GRB14: variants seen among roughly 807,000 people sequenced by gnomAD.
The protein encoded by GRB14 is growth factor receptor-bound protein 14.
In GRB14, 38 loss-of-function variants were observed where a neutral mutation model predicts 69.1. That is an observed-to-expected ratio of 0.55 (90% CI 0.42 to 0.72). GRB14 has a LOEUF of 0.72. Ranked by LOEUF, GRB14 falls within the 30% of genes least tolerant of loss-of-function variation. GRB14 has a pLI of 0.00. For missense variants in GRB14, 666 were observed against 666.1 expected (o/e 1.00, Z 0.00); for synonymous variants, 247 against 241.3 (o/e 1.02, Z -0.22).
At chr2:164,558,601 T>C (rs1688741873) in intron 2 of GRB14, among the ~76,000 whole-genome samples, 1 of 152,332 alleles carries the variant, frequency 6.6e-6, no homozygotes, top group Non-Finnish European at 1.5e-5. Context: ...TAATTCATCT[T>C]TGAAACAAGA....
chr2:164,522,024 G>GA lies in GRB14; in HGVS notation c.771dup (p.Leu258SerfsTer11), dbSNP rs772277401. 2.5e-6 allele frequency: 4 copies of GA among 1,604,414 alleles called. No individual in the cohort carries two copies. The highest frequency in any genetic ancestry group is 3.4e-6 in the Non-Finnish European group (4 of 1,173,586). On this transcript the variant is annotated frameshift_variant, in exon 6 of 14. Transcript: ENST00000263915. LOFTEE classifies it high-confidence loss of function. ...GAAAAATATAAACCAGATCTTCTTA[G>GA]AAAAAAGTAAATTTTTTTCCAAGAC...
rs1358569116 is a variant in GRB14, at chr2:164,492,476, T to C, written c.*560A>G. On this transcript the variant is annotated 3_prime_UTR_variant, in exon 14 of 14. Coordinates refer to ENST00000263915, the MANE Select transcript of GRB14 (RefSeq NM_004490.3). Reference sequence around the variant, plus strand: ...AAATTACCTGGAAAAAATCAACATATTTCAAAATGGTTTAAAGCTACTATC... The same window carrying C: ...AAATTACCTGGAAAAAATCAACATACTTCAAAATGGTTTAAAGCTACTATC... Among the ~76,000 whole-genome samples, 1 of 151,968 alleles carries C rather than the reference T, an allele frequency of 6.6e-6. No homozygotes were observed. Among genetic ancestry groups the C allele is most frequent in the Non-Finnish European group, 1.5e-5 (1 of 67,924 alleles).
Position 164,502,282 on chromosome 2 carries a change from G to A in GRB14, c.1077C>T (p.Gly359=), listed in dbSNP as rs61748244. ...NYMHPYQGRS[G]CSSQSISPMR... ...TAGGTGATATGCTCTGTGAACTGCAGCCACTTCTACCTTGATATGGATGCA... is the reference window on the plus strand; with the variant it reads ...TAGGTGATATGCTCTGTGAACTGCAACCACTTCTACCTTGATATGGATGCA... The change falls in exon 9 of 14, where the codon GGC becomes GGT. Residue 359 remains glycine, a synonymous_variant. Coordinates refer to ENST00000263915, the MANE Select transcript of GRB14 (RefSeq NM_004490.3). 7.9e-3 allele frequency: 12,762 copies of A among 1,605,388 alleles called. 74 individuals are homozygous for A. Among genetic ancestry groups the A allele is most frequent in the Non-Finnish European group, 9.9e-3 (11,575 of 1,172,802 alleles).
intron 3 of GRB14, among the ~76,000 whole-genome samples, chr2:164,542,543 T>G (rs1688267305): frequency 6.6e-6 from 1 of 151,888 alleles, no homozygotes; most frequent in Non-Finnish European, 1.5e-5. Flanking sequence ...ATGAACCTAA[T>G]TCAACAAACA....
At chr2:164,544,510 ATATC>A (rs1688316816) in intron 3 of GRB14, among the ~76,000 whole-genome samples, 1 of 152,238 alleles carries the variant, frequency 6.6e-6, no homozygotes, top group African/African-American at 2.4e-5. Context: ...AATAGGGCAG[ATATC>A]TATTGAGAAT....
intron 2 of GRB14, among the ~76,000 whole-genome samples, chr2:164,596,146 C>A (rs904050474): frequency 6.6e-6 from 1 of 151,998 alleles, no homozygotes; most frequent in African/African-American, 2.4e-5. Flanking sequence ...GAAACACAGA[C>A]TGAATTCTAT....
intron 2 of GRB14, among the ~76,000 whole-genome samples, chr2:164,595,723 C>T (rs941184993): frequency 1.8e-4 from 27 of 152,170 alleles, no homozygotes; most frequent in African/African-American, 6.5e-4. Flanking sequence ...ATAGACAGCA[C>T]TCTAGCAATA....
rs983156422 is a variant in GRB14 at position 164,573,742 on chromosome 2, T to C, written c.325-25926A>G. 7 of 1,607,392 alleles carry C rather than the reference T, an allele frequency of 4.4e-6. No homozygotes were observed. The South Asian group carries it at 7.7e-5, about 18-fold the overall frequency. ...TAATTAAGTTTCTTCTCAATATTCATGCCCGTCTCTTCATATTTGAGACTT... is the reference window on the plus strand; with the variant it reads ...TAATTAAGTTTCTTCTCAATATTCACGCCCGTCTCTTCATATTTGAGACTT... On this transcript the variant is annotated intron_variant, in intron 2 of 13. Coordinates refer to ENST00000263915, the MANE Select transcript of GRB14 (RefSeq NM_004490.3).
intron 6 of GRB14, among the ~76,000 whole-genome samples, chr2:164,520,074 G>A (rs977789610): frequency 6.6e-6 from 1 of 152,016 alleles, no homozygotes; most frequent in Non-Finnish European, 1.5e-5. Context: ...TAAGCAGAAA[G>A]AACAAACCTG....
intron 3 of GRB14, 35 bp from the exon 4 acceptor site, chr2:164,527,170 T>C (rs748804764): frequency 2.1e-6 from 1 of 474,560 alleles, no homozygotes; most frequent in East Asian, 5.5e-5. Flanking sequence ...TGTTGACAGA[T>C]AGACAAATAT....
At chr2:164,550,727 A>T (rs1168537964) in intron 2 of GRB14, among the ~76,000 whole-genome samples, 1 of 146,610 alleles carries the variant, frequency 6.8e-6, no homozygotes, top group East Asian at 2.0e-4. Context: ...ATCCAACAAT[A>T]AAAAAAAAAA....
chr2:164,547,894 A>AT, intron 2 of GRB14, 78 bp from the exon 3 acceptor site: 7 of 919,328 alleles, frequency 7.6e-6, no homozygotes, highest in Non-Finnish European at 1.1e-5. Context: ...ATATATTTAA[A>AT]GTATACAACA....
intron 2 of GRB14, among the ~76,000 whole-genome samples, chr2:164,584,806 T>G (rs1689495711): frequency 6.6e-6 from 1 of 152,226 alleles, no homozygotes; most frequent in East Asian, 1.9e-4. Context: ...AAGAAACTGC[T>G]AGTACCTTTA....
chr2:164,545,337 G>T (rs1050570360), intron 3 of GRB14, among the ~76,000 whole-genome samples: 1 of 152,106 alleles, frequency 6.6e-6, no homozygotes, highest in Non-Finnish European at 1.5e-5. Flanking sequence ...TTTGCAGACA[G>T]TATTAAATTA....
intron 9 of GRB14, among the ~76,000 whole-genome samples, chr2:164,499,160 A>G (rs533142104): frequency 2.9e-4 from 44 of 152,272 alleles, no homozygotes; most frequent in African/African-American, 9.9e-4. Context: ...ATGCCAAGGT[A>G]GGTTCTGTAA....
chr2:164,502,151 C>T lies in GRB14; in HGVS notation c.1104+104G>A, dbSNP rs979736795. 6.7e-6 allele frequency: 4 copies of T among 597,198 alleles called. No homozygotes were observed. The South Asian group carries it at 7.8e-5, about 12-fold the overall frequency. 37.0% of individuals were successfully genotyped at this position (597,198 alleles called of 1,614,324 possible). A position where few individuals can be genotyped will look rare whatever the true frequency, so the allele number is the denominator to read the frequency against. ...TGGTGCCAAAGAGTTACTTTACCAA[C>T]AGAAAATAACATAAATTATTATAAG... is the stretch of plus-strand genomic sequence containing the variant. On this transcript the variant is annotated intron_variant, in intron 9 of 13. Coordinates refer to ENST00000263915, the MANE Select transcript of GRB14 (RefSeq NM_004490.3).
chr2:164,503,169 T>TAAAAAAAAAA (rs3086552), intron 8 of GRB14, among the ~76,000 whole-genome samples: 1 of 126,606 alleles, frequency 7.9e-6, no homozygotes, highest in Non-Finnish European at 1.7e-5. Flanking sequence ...GCTACTTTGT[T>TAAAAAAAAAA]AAAAAAAAAA....
At chr2:164,604,554 C>T (rs949510998) in intron 2 of GRB14, among the ~76,000 whole-genome samples, 1 of 151,682 alleles carries the variant, frequency 6.6e-6, no homozygotes, top group South Asian at 2.1e-4. Flanking sequence ...GTGTTTCCCT[C>T]ACAGCAGGAA....
At position 164,548,492 on chromosome 2, in the gene GRB14, T is replaced by G. The variant is rs543233394; in HGVS notation, c.325-676A>C. On this transcript the variant is annotated intron_variant, in intron 2 of 13. Transcript: ENST00000263915. ...ACTTAAGTTGTTTCCATATCTTAGC[T>G]ATTGTAAATAATGCTGCAATGAACA... Among the ~76,000 whole-genome samples the G allele has an allele frequency of 1.5e-3, 235 of 152,340 alleles. 4 individuals carry two copies. In the South Asian group the frequency reaches 0.019, roughly 13 times the overall value.
Sources: allele counts gnomAD v4.1 joint callset (sites outside exome capture counted in the v4.1 genomes callset), GRCh38; gene constraint gnomAD v4.1.1; transcripts MANE v1.5; gene names NCBI Gene and HGNC (gene_info 2026-07-23, HGNC 2026-07-21).